ITPR2: variants seen among roughly 807,000 people sequenced by gnomAD.
ITPR2 encodes inositol 1,4,5-trisphosphate receptor type 2.
In ITPR2, 207 loss-of-function variants were observed where a neutral mutation model predicts 317.1. The observed-to-expected ratio is 0.65, with a 90% CI of 0.58 to 0.73. The LOEUF (loss-of-function observed/expected upper bound fraction) is 0.73, where lower values mean the gene tolerates loss of function less well. Among genes scored for constraint, ITPR2 ranks in the 30% least tolerant of loss-of-function variants. The pLI, the probability that ITPR2 is intolerant of heterozygous loss-of-function variation, is 0.00. For missense variants in ITPR2, 2,613 were observed against 3,284.0 expected, an observed-to-expected ratio of 0.80 and a Z score of 4.99; for synonymous variants, 1,156 against 1,149.1, an observed-to-expected ratio of 1.01 and a Z score of -0.12.
chr12:26,577,736 T>C (rs1945310225), intron 34 of ITPR2, among the ~76,000 whole-genome samples: 1 of 152,166 alleles, frequency 6.6e-6, no homozygotes, highest in South Asian at 2.1e-4. Flanking sequence ...TTTGTTAATA[T>C]AAAATAACCT....
At chr12:26,647,171 A>G (rs1172647107) in intron 21 of ITPR2, among the ~76,000 whole-genome samples, 1 of 152,256 alleles carries the variant, frequency 6.6e-6, no homozygotes, top group East Asian at 1.9e-4. Flanking sequence ...CCGTTCAAAC[A>G]GCAAGCACAG....
At chr12:26,749,814 A>G (rs1949385438) in intron 2 of ITPR2, among the ~76,000 whole-genome samples, 1 of 152,256 alleles carries the variant, frequency 6.6e-6, no homozygotes, top group Non-Finnish European at 1.5e-5. Flanking sequence ...CTTGAAAGTG[A>G]AGAAAATGTG....
At chr12:26,451,899 G>A (rs1591796964) in intron 45 of ITPR2, among the ~76,000 whole-genome samples, 1 of 152,136 alleles carries the variant, frequency 6.6e-6, no homozygotes, top group African/African-American at 2.4e-5. Flanking sequence ...TTTGTACTAC[G>A]ATTTTATCAT....
At chr12:26,705,530 C>A (rs559502484) in intron 9 of ITPR2, among the ~76,000 whole-genome samples, 48 of 152,250 alleles carry the variant, frequency 3.2e-4, no homozygotes, top group African/African-American at 1.1e-3. Context: ...ATCTTACCTG[C>A]GCTCTGAAAA....
At chr12:26,660,420 G>A (rs1360985521) in intron 15 of ITPR2, among the ~76,000 whole-genome samples, 3 of 152,190 alleles carry the variant, frequency 2.0e-5, no homozygotes, top group African/African-American at 7.2e-5. Flanking sequence ...CCATGGGACT[G>A]GTGAGCTTCT....
chr12:26,402,557 G>A (rs1940211616), intron 52 of ITPR2, among the ~76,000 whole-genome samples: 1 of 152,176 alleles, frequency 6.6e-6, no homozygotes, highest in African/African-American at 2.4e-5. Context: ...GGAATAAAAC[G>A]AATTGGCTGA....
chr12:26,812,589 C>G (rs1950776246), intron 1 of ITPR2, among the ~76,000 whole-genome samples: 1 of 152,024 alleles, frequency 6.6e-6, no homozygotes. Context: ...AAAAAAAAAA[C>G]CTAATACTAA....
chr12:26,624,521 G>A (rs948648990), intron 23 of ITPR2, among the ~76,000 whole-genome samples, 165 bp from the exon 24 acceptor site: 5 of 152,102 alleles, frequency 3.3e-5, no homozygotes, highest in Non-Finnish European at 7.4e-5. Flanking sequence ...CAAAAGATCT[G>A]AATAGACATT....
intron 55 of ITPR2, among the ~76,000 whole-genome samples, chr12:26,377,177 G>A (rs972374107): frequency 1.3e-5 from 2 of 151,992 alleles, no homozygotes; most frequent in South Asian, 2.1e-4. Context: ...TCATTTACCC[G>A]ATCAGCCTCA....
At chr12:26,617,790 G>A (rs1946405875) in intron 26 of ITPR2, among the ~76,000 whole-genome samples, 1 of 147,744 alleles carries the variant, frequency 6.8e-6, no homozygotes, top group Admixed American at 6.8e-5. Flanking sequence ...GAAGGAAAGA[G>A]GAAAGGAAGG....
intron 36 of ITPR2, among the ~76,000 whole-genome samples, chr12:26,554,131 C>A (rs1204133322): frequency 1.3e-5 from 2 of 152,232 alleles, no homozygotes; most frequent in African/African-American, 4.8e-5. Context: ...TGCTTGATAT[C>A]ATGAGTTACT....
intron 2 of ITPR2, among the ~76,000 whole-genome samples, chr12:26,770,989 TCTGA>T (rs1949829685): frequency 6.6e-6 from 1 of 152,220 alleles, no homozygotes; most frequent in Admixed American, 6.5e-5. Flanking sequence ...AAGTCCATTT[TCTGA>T]CTGTGTCTTT....
intron 1 of ITPR2, among the ~76,000 whole-genome samples, chr12:26,795,815 C>T (rs149839406): frequency 5.9e-5 from 9 of 152,150 alleles, no homozygotes; most frequent in Non-Finnish European, 1.3e-4. Flanking sequence ...AAAACCCTAT[C>T]GCTACAAAAA....
At chr12:26,420,648 C>G (rs534133076) in intron 49 of ITPR2, among the ~76,000 whole-genome samples, 1 of 152,060 alleles carries the variant, frequency 6.6e-6, no homozygotes, top group Non-Finnish European at 1.5e-5. Context: ...TCATTCATGT[C>G]TTATTTCACT....
In ITPR2 at chr12:26,533,995, C is replaced by A. The variant is rs1388681717; in HGVS notation, c.5073+16252G>T. Among the ~76,000 whole-genome samples, 6 of 152,258 alleles carry A rather than the reference C, an allele frequency of 3.9e-5. 1 individual carries two copies. The East Asian group carries it at 1.2e-3, about 29-fold the overall frequency. ...TGTCAGTTATCTGACTAGAACTATA[C>A]AAGTCAGCCCAGCCTTTTCTCCAAG... On this transcript the variant is annotated intron_variant, in intron 37 of 56. Transcript: ENST00000381340.
intron 52 of ITPR2, among the ~76,000 whole-genome samples, chr12:26,402,274 T>C (rs1787296309): frequency 6.6e-6 from 1 of 152,244 alleles, no homozygotes; most frequent in Non-Finnish European, 1.5e-5. Flanking sequence ...AATCAGGTCA[T>C]GTGGAGCATG....
At chr12:26,694,616 T>C (rs1269546299) in intron 10 of ITPR2, among the ~76,000 whole-genome samples, 2 of 152,172 alleles carry the variant, frequency 1.3e-5, no homozygotes, top group Non-Finnish European at 2.9e-5. Context: ...GACAAGCTTA[T>C]AGTAAGAACC....
At chr12:26,761,723 G>C (rs1242625132) in intron 2 of ITPR2, among the ~76,000 whole-genome samples, 1 of 152,202 alleles carries the variant, frequency 6.6e-6, no homozygotes, top group Non-Finnish European at 1.5e-5. Context: ...CTTTAGTCCG[G>C]GGATTCAAGG....
intron 2 of ITPR2, among the ~76,000 whole-genome samples, chr12:26,733,052 C>A (rs1266746184): frequency 6.7e-6 from 1 of 149,908 alleles, no homozygotes; most frequent in Non-Finnish European, 1.5e-5. Flanking sequence ...ACTGGCCAGG[C>A]CAGGCACGGT....
Sources: gnomAD v4.1 joint callset for allele counts (sites outside exome capture counted in the v4.1 genomes callset) on GRCh38, gnomAD v4.1.1 for gene constraint, MANE v1.5 for transcripts, NCBI Gene and HGNC (gene_info 2026-07-23, HGNC 2026-07-21) for gene names.